The following GTPBP4 variants were observed in gnomAD, a reference collection of about 807,000 sequenced individuals.
GTPBP4 encodes GTP binding protein 4.
A neutral mutation model predicts 81.7 loss-of-function variants in GTPBP4; 15 were observed. The observed-to-expected ratio is 0.18, with a 90% CI of 0.12 to 0.28. GTPBP4 has a LOEUF of 0.28. Among genes scored for constraint, GTPBP4 ranks in the 10% least tolerant of loss-of-function variants. The pLI is 1.00. For synonymous variants in GTPBP4, 272 were observed against 274.6 expected, an observed-to-expected ratio of 0.99 and a Z score of 0.09; for missense variants, 847 against 793.8, an observed-to-expected ratio of 1.07 and a Z score of -0.81.
At position 997,257 on chromosome 10, in the gene GTPBP4, C is replaced by T. The variant is rs765023000; in HGVS notation, c.510C>T (p.Thr170=). ...RLPTIDPNTR[T]LLLCGYPNVG... ...CAACCATTGATCCGAATACCAGGAC[C>T]CTGCTTTTGTGTGGGTACCCAAATG... Residue 170 remains threonine, a synonymous_variant, in exon 5 of 17, where the codon ACC becomes ACT. Coordinates refer to ENST00000360803, the MANE Select transcript of GTPBP4 (RefSeq NM_012341.3). The T allele has an allele frequency of 1.4e-5, 22 of 1,610,824 alleles. No individual in the cohort carries two copies. Among genetic ancestry groups the T allele is most frequent in the African/African-American group, 2.7e-5 (2 of 74,842 alleles).
At chr10:1,001,602 C>G (rs908139448) in intron 8 of GTPBP4, among the ~76,000 whole-genome samples, 3 of 151,926 alleles carry the variant, frequency 2.0e-5, no homozygotes, top group African/African-American at 7.3e-5. Flanking sequence ...GCAATGTCAG[C>G]ATCACCTTCT....
chr10:1,016,765 G>A (rs1832001420), intron 16 of GTPBP4, among the ~76,000 whole-genome samples: 2 of 152,200 alleles, frequency 1.3e-5, no homozygotes, highest in South Asian at 4.1e-4. Flanking sequence ...GCAGATAACT[G>A]TGCTGGGCTT....
chr10:992,166 C>T (rs1295491336), intron 1 of GTPBP4, among the ~76,000 whole-genome samples: 2 of 150,310 alleles, frequency 1.3e-5, no homozygotes, highest in South Asian at 2.1e-4. Context: ...TTTGGGAGGC[C>T]GAGGCAGGTG....
At position 1,019,800 on chromosome 10, in the gene GTPBP4, T is replaced by TAAA. The variant is rs758543268; in HGVS notation, c.*2574_*2575insAAA. The TAAA allele has an allele frequency of 6.2e-7, 1 of 1,614,094 alleles. No homozygotes were observed. Among genetic ancestry groups the TAAA allele is most frequent in the South Asian group, 1.1e-5 (1 of 91,084 alleles). On this transcript the variant is annotated 3_prime_UTR_variant, in exon 17 of 17. Coordinates refer to ENST00000360803, the MANE Select transcript of GTPBP4 (RefSeq NM_012341.3). ...TCTGTCTGATTTTGCCTTGTGGTGA[T>TAAA]AGATTGTCATGAACACAATGTCCTC...
In GTPBP4 at chr10:1,015,684, C is replaced by CTCT. The variant is rs1831974345; in HGVS notation, c.1609-69_1609-68insTCT. 6.7e-6 allele frequency: 2 copies of CTCT among 298,900 alleles called. 1 individual carries two copies. The highest frequency in any genetic ancestry group is 1.0e-4 in the East Asian group (2 of 19,862). 18.5% of individuals were successfully genotyped at this position (298,900 alleles called of 1,614,324 possible). Reference sequence around the variant, plus strand: ...CTGGGAGTGGACCTGGGGTCCTGAGCGCTGAGCACTGAGCCTGGGAGTGGA... The same window carrying CTCT: ...CTGGGAGTGGACCTGGGGTCCTGAGCTCTGCTGAGCACTGAGCCTGGGAGTGGA... On this transcript the variant is annotated intron_variant, in intron 15 of 16. Coordinates refer to ENST00000360803, the MANE Select transcript of GTPBP4 (RefSeq NM_012341.3).
intron 14 of GTPBP4, 75 bp from the exon 15 acceptor site, chr10:1,014,172 A>G: frequency 1.2e-6 from 1 of 867,262 alleles, no homozygotes; most frequent in Non-Finnish European, 1.9e-6. Flanking sequence ...ATGTATACAT[A>G]TATATTGCCT....
chr10:1,008,178 C>T (rs1831782385), intron 10 of GTPBP4: 7 of 452,952 alleles, frequency 1.5e-5, no homozygotes, highest in Admixed American at 9.5e-5. Context: ...TCTGGGAGGC[C>T]GAGGCGGGTG....
intron 1 of GTPBP4, among the ~76,000 whole-genome samples, chr10:990,802 G>A (rs1831428236): frequency 6.7e-6 from 1 of 149,274 alleles, no homozygotes. Flanking sequence ...TTGTTATCAT[G>A]GAGGACACAC....
At position 1,000,824 on chromosome 10, in the gene GTPBP4, C is replaced by T; in HGVS notation, c.802C>T (p.Gln268Ter). Residue 268 changes from glutamine to a stop codon, truncating the protein, a stop_gained, in exon 7 of 17, where the codon CAG becomes TAG. Coordinates refer to ENST00000360803, the MANE Select transcript of GTPBP4 (RefSeq NM_012341.3). LOFTEE classifies it high-confidence loss of function. ...GCAGTGTGGGCATGGGCTGAGGGAG[C>T]AGCTAGAACTCTTCCAGAACATCAG... ...SEQCGHGLRE[Q>*]LELFQNIRPL... 6.2e-7 allele frequency: 1 copy of T among 1,610,034 alleles called. No individual in the cohort carries two copies. Among genetic ancestry groups the T allele is most frequent in the East Asian group, 2.2e-5 (1 of 44,842 alleles).
chr10:1,000,299 G>T (rs1157404539), intron 6 of GTPBP4, among the ~76,000 whole-genome samples: 1 of 130,640 alleles, frequency 7.7e-6, no homozygotes, highest in Non-Finnish European at 1.5e-5. Context: ...GTGCAGTGTC[G>T]CTATCTTGGC....
intron 5 of GTPBP4, 150 bp downstream of exon 5, chr10:997,458 T>A (rs1180794530): frequency 4.4e-6 from 3 of 678,016 alleles, no homozygotes; most frequent in Non-Finnish European, 5.3e-6. Context: ...TGGTAATAAT[T>A]TCGGCCTCCG....
At chr10:989,643 T>TACC in intron 1 of GTPBP4, among the ~76,000 whole-genome samples, 1 of 152,200 alleles carries the variant, frequency 6.6e-6, no homozygotes, top group East Asian at 1.9e-4. Context: ...GAGTCTCGTA[T>TACC]TTTACCTTCA....
intron 16 of GTPBP4, 100 bp from the exon 17 acceptor site, chr10:1,016,975 A>C (rs1430977720): frequency 1.1e-6 from 1 of 910,696 alleles, no homozygotes; most frequent in Non-Finnish European, 1.7e-6. Context: ...CGCTGAGCAG[A>C]CCTGAGCCAT....
In GTPBP4 at chr10:992,512, G is replaced by A. The variant is rs764628176; in HGVS notation, c.72G>A (p.Ser24=). The A allele has an allele frequency of 2.6e-5, 42 of 1,602,928 alleles. No individual in the cohort carries two copies. Among genetic ancestry groups the A allele is most frequent in the Middle Eastern group, 1.7e-4 (1 of 6,042 alleles). The change falls in exon 2 of 17, where the codon TCG becomes TCA. Residue 24 remains serine (S), a synonymous_variant. Coordinates refer to ENST00000360803, the MANE Select transcript of GTPBP4 (RefSeq NM_012341.3). ...AGGACTTCATAGACCTCACGTTGTC[G>A]AAGACTCAACGAAAGACTCCAACCG... The part of the protein sequence containing the change: ...SAKDFIDLTL[S]KTQRKTPTVI...
intron 13 of GTPBP4, among the ~76,000 whole-genome samples, chr10:1,011,650 C>T (rs1263719785): frequency 1.3e-5 from 2 of 152,356 alleles, no homozygotes; most frequent in Non-Finnish European, 2.9e-5. Context: ...GTCTCGTGGT[C>T]TCTGTGCTCC....
chr10:1,008,756 C>A (rs762654017), intron 10 of GTPBP4, among the ~76,000 whole-genome samples: 3 of 152,020 alleles, frequency 2.0e-5, no homozygotes, highest in Admixed American at 6.6e-5. Context: ...CACTCCTCTC[C>A]CCTAAAATAA....
At chr10:1,013,559 G>A (rs192316760) in intron 14 of GTPBP4, among the ~76,000 whole-genome samples, 2,692 of 152,098 alleles carry the variant, frequency 0.018, 34 homozygotes, top group Non-Finnish European at 0.028. Context: ...GCAGTGAGCC[G>A]AGATTGTGCC....
intron 8 of GTPBP4, among the ~76,000 whole-genome samples, chr10:1,003,917 G>T (rs1201493747): frequency 1.3e-5 from 2 of 152,070 alleles, no homozygotes; most frequent in Non-Finnish European, 2.9e-5. Flanking sequence ...CTAGCCTTAG[G>T]GTCTTGTGTG....
intron 1 of GTPBP4, among the ~76,000 whole-genome samples, chr10:992,073 A>C (rs184149407): frequency 7.3e-5 from 11 of 151,560 alleles, no homozygotes. Context: ...TTTGTAATTT[A>C]AAATATGTAG....
Sources: gnomAD v4.1 joint callset for allele counts (sites outside exome capture counted in the v4.1 genomes callset) on GRCh38, gnomAD v4.1.1 for gene constraint, MANE v1.5 for transcripts, NCBI Gene and HGNC (gene_info 2026-07-23, HGNC 2026-07-21) for gene names.